Variants in ASH1L observed in about 807,000 individuals in gnomAD.
ASH1L encodes histone-lysine N-methyltransferase ASH1L.
ASH1L carries 23 observed loss-of-function variants against 269.0 expected under a neutral mutation model. The observed-to-expected ratio is 0.09, with a 90% CI of 0.06 to 0.12. The LOEUF (loss-of-function observed/expected upper bound fraction) is 0.12. Ranked by LOEUF, ASH1L falls within the 10% of genes least tolerant of loss-of-function variation. The pLI is 1.00. For missense variants in ASH1L, 2,912 were observed against 3,567.8 expected (o/e 0.82, Z 4.68); for synonymous variants, 1,187 against 1,253.5 (o/e 0.95, Z 1.12).
chr1:155,363,036 T>C (rs1208866134), intron 12 of ASH1L, among the ~76,000 whole-genome samples: 6 of 152,146 alleles, frequency 3.9e-5, no homozygotes, highest in Non-Finnish European at 8.8e-5. Context: ...CAGGCTGGAG[T>C]GTAATGGCGG....
chr1:155,398,832 C>A (rs1198593605), intron 6 of ASH1L, among the ~76,000 whole-genome samples: 1 of 152,088 alleles, frequency 6.6e-6, no homozygotes, highest in Non-Finnish European at 1.5e-5. Flanking sequence ...CTCGCCTCAG[C>A]CTCCTTGCCC....
intron 2 of ASH1L, among the ~76,000 whole-genome samples, chr1:155,483,137 C>T (rs768350698): frequency 1.3e-5 from 2 of 152,178 alleles, no homozygotes; most frequent in Non-Finnish European, 2.9e-5. Flanking sequence ...AATGAATTCA[C>T]TACTTCACAC....
At chr1:155,409,920 C>G (rs1659627861) in intron 6 of ASH1L, among the ~76,000 whole-genome samples, 1 of 151,620 alleles carries the variant, frequency 6.6e-6, no homozygotes, top group Admixed American at 6.6e-5. Flanking sequence ...AATCCCAGCA[C>G]TTTGGGAAGC....
At chr1:155,552,563 G>A (rs540996897) in intron 1 of ASH1L, among the ~76,000 whole-genome samples, 1 of 150,494 alleles carries the variant, frequency 6.6e-6, no homozygotes, top group African/African-American at 2.4e-5. Flanking sequence ...GGAGAACGGC[G>A]TGAACCCGGG....
In ASH1L at chr1:155,562,737, A is replaced by C; in HGVS notation, c.-684T>G. On this transcript the variant is annotated 5_prime_UTR_variant, in exon 1 of 28. Coordinates refer to ENST00000392403, the MANE Select transcript of ASH1L (RefSeq NM_018489.3). ...CTCGTCCAGTCCCTCACTACCCCTC[A>C]GGCCCTGTCAAGCCGGCGCCGGCGC... 1.5e-6 allele frequency: 2 copies of C among 1,291,364 alleles called. No individual in the cohort carries two copies. The highest frequency in any genetic ancestry group is 1.8e-4 in the Middle Eastern group (1 of 5,408). 80.0% of individuals were successfully genotyped at this position (1,291,364 alleles called of 1,614,324 possible).
rs1671245592 is a variant in ASH1L, at chr1:155,551,924, C to T, written c.-100+10229G>A. On this transcript the variant is annotated intron_variant, in intron 1 of 27. Transcript: ENST00000392403. ...CTGGGAGGCAGAGATTGCAGTGAGC[C>T]GAGATCATGCCATTGCACTCCAGCC... Among the ~76,000 whole-genome samples the T allele has an allele frequency of 1.3e-5, 2 of 151,432 alleles. 1 individual carries two copies. Among genetic ancestry groups the T allele is most frequent in the South Asian group, 4.2e-4 (2 of 4,798 alleles).
At position 155,395,560 on chromosome 1, in the gene ASH1L, TA is replaced by T; in HGVS notation, c.6009-8del. The T allele has an allele frequency of 3.1e-6, 5 of 1,599,892 alleles. No homozygotes were observed. Among genetic ancestry groups the T allele is most frequent in the Admixed American group, 1.8e-5 (1 of 56,752 alleles). Reference sequence around the variant, plus strand: ...GATCAATCGACTCTTTGGGCTGTGATAAAAAAAGAATGGGAAACAGTCAAGA... The same window carrying T: ...GATCAATCGACTCTTTGGGCTGTGATAAAAAAGAATGGGAAACAGTCAAGA... On this transcript the variant is annotated splice_polypyrimidine_tract_variant and splice_region_variant and intron_variant, in intron 6 of 27. Coordinates refer to ENST00000392403, the MANE Select transcript of ASH1L (RefSeq NM_018489.3).
At chr1:155,515,419 A>AT (rs1668436687) in intron 2 of ASH1L, among the ~76,000 whole-genome samples, 1 of 152,296 alleles carries the variant, frequency 6.6e-6, no homozygotes, top group Middle Eastern at 3.4e-3. Flanking sequence ...AGAAGCACAG[A>AT]TTTTTATGCT....
chr1:155,352,611 C>T (rs1342737646), intron 17 of ASH1L, 95 bp downstream of exon 17: 1 of 1,304,848 alleles, frequency 7.7e-7, no homozygotes, highest in East Asian at 2.7e-5. Flanking sequence ...CTGAGACTAG[C>T]CTGGGCAATA....
In ASH1L at chr1:155,562,738, G is replaced by C; in HGVS notation, c.-685C>G. ...TCGTCCAGTCCCTCACTACCCCTCA[G>C]GCCCTGTCAAGCCGGCGCCGGCGCA... is the stretch of plus-strand genomic sequence containing the variant. On this transcript the variant is annotated 5_prime_UTR_variant, in exon 1 of 28. Coordinates refer to ENST00000392403, the MANE Select transcript of ASH1L (RefSeq NM_018489.3). 7.6e-7 allele frequency: 1 copy of C among 1,315,338 alleles called. No homozygotes were observed. Among genetic ancestry groups the C allele is most frequent in the East Asian group, 2.6e-5 (1 of 38,592 alleles). 81.5% of individuals were successfully genotyped at this position (1,315,338 alleles called of 1,614,324 possible). A position where few individuals can be genotyped will look rare whatever the true frequency, so the allele number is the denominator to read the frequency against.
At chr1:155,531,093 C>A (rs1669639966) in intron 1 of ASH1L, among the ~76,000 whole-genome samples, 1 of 150,944 alleles carries the variant, frequency 6.6e-6, no homozygotes, top group East Asian at 2.0e-4. Context: ...AAGTGTTCAA[C>A]ACTGGAGTGA....
chr1:155,479,765 T>C lies in ASH1L; in HGVS notation c.3105A>G (p.Gln1035=), dbSNP rs1288512923. 6.2e-7 allele frequency: 1 copy of C among 1,614,046 alleles called. No homozygotes were observed. The highest frequency in any genetic ancestry group is 2.2e-5 in the East Asian group (1 of 44,900). ...LAATFGSKLG[Q]QINVSKKGTI... ...TTCCTTTCTTGCTGACATTTATCTG[T>C]TGGCCCAATTTAGAGCCAAATGTGG... Residue 1035 remains glutamine (Q), a synonymous_variant, in exon 3 of 28, where the codon CAA becomes CAG. Coordinates refer to ENST00000392403, the MANE Select transcript of ASH1L (RefSeq NM_018489.3).
intron 3 of ASH1L, among the ~76,000 whole-genome samples, chr1:155,473,666 T>A (rs1283590836): frequency 6.6e-6 from 1 of 151,934 alleles, no homozygotes; most frequent in Non-Finnish European, 1.5e-5. Flanking sequence ...CCAGCTAATT[T>A]AAAAAACATT....
At chr1:155,382,876 C>T (rs1218348931) in intron 7 of ASH1L, among the ~76,000 whole-genome samples, 4 of 152,144 alleles carry the variant, frequency 2.6e-5, no homozygotes, top group Non-Finnish European at 5.9e-5. Flanking sequence ...CAGGCATGTG[C>T]CACCATGCCT....
intron 17 of ASH1L, among the ~76,000 whole-genome samples, chr1:155,351,887 A>T (rs12021631): frequency 0.26 from 39,885 of 151,096 alleles, 6,043 homozygotes; most frequent in East Asian, 0.72. Flanking sequence ...ATAAATAAAT[A>T]AATTAATTAC....
chr1:155,371,055 A>G, intron 10 of ASH1L, 72 bp from the exon 11 acceptor site: 3 of 1,335,112 alleles, frequency 2.2e-6, no homozygotes, highest in South Asian at 1.3e-5. Flanking sequence ...TTTAAATTTT[A>G]CAAACATTTA....
intron 7 of ASH1L, among the ~76,000 whole-genome samples, chr1:155,393,275 T>C (rs531338883): frequency 6.6e-6 from 1 of 152,312 alleles, no homozygotes; most frequent in South Asian, 2.1e-4. Flanking sequence ...AACTTGTTTA[T>C]GTCTGCTGAT....
intron 3 of ASH1L, among the ~76,000 whole-genome samples, chr1:155,470,691 A>G (rs1665033881): frequency 6.6e-6 from 1 of 151,440 alleles, no homozygotes; most frequent in Non-Finnish European, 1.5e-5. Flanking sequence ...AGCTGGGACT[A>G]CAGGCATGTG....
At chr1:155,449,322 G>A (rs1008335018) in intron 4 of ASH1L, among the ~76,000 whole-genome samples, 1 of 152,122 alleles carries the variant, frequency 6.6e-6, no homozygotes, top group African/African-American at 2.4e-5. Context: ...ATTTAGAAGT[G>A]TGTTATTTAA....
Sources: allele counts gnomAD v4.1 joint callset (sites outside exome capture counted in the v4.1 genomes callset), GRCh38; gene constraint gnomAD v4.1.1; transcripts MANE v1.5; gene names NCBI Gene and HGNC (gene_info 2026-07-23, HGNC 2026-07-21).